The following COMMD1 variants were observed in gnomAD, a reference collection of about 807,000 sequenced individuals.
The protein encoded by COMMD1 is copper metabolism domain containing 1, also known as COMM domain-containing protein 1.
A neutral mutation model predicts 17.2 loss-of-function variants in COMMD1; 10 were observed. That is an observed-to-expected ratio of 0.58 (90% confidence interval 0.36 to 0.99). The LOEUF (loss-of-function observed/expected upper bound fraction) is 0.99. Among genes scored for constraint, COMMD1 ranks in the 50% least tolerant of loss-of-function variants. COMMD1 has a pLI of 0.01. For missense variants in COMMD1, 270 were observed against 231.8 expected (o/e 1.17, Z -1.07); for synonymous variants, 97 against 91.6 (o/e 1.06, Z -0.34).
chr2:61,947,683 A>G (rs1290491148), intron 1 of COMMD1, among the ~76,000 whole-genome samples: 1 of 151,884 alleles, frequency 6.6e-6, no homozygotes, highest in African/African-American at 2.4e-5. Context: ...ATTTGTCTCA[A>G]AAAACAACAA....
At chr2:61,981,935 T>A (rs1671964771) in intron 1 of COMMD1, among the ~76,000 whole-genome samples, 1 of 152,160 alleles carries the variant, frequency 6.6e-6, no homozygotes, top group African/African-American at 2.4e-5. Context: ...CCACCAGTTT[T>A]GTTCTTTTTG....
At chr2:62,054,839 A>G (rs1670644910) in intron 2 of COMMD1, among the ~76,000 whole-genome samples, 1 of 152,236 alleles carries the variant, frequency 6.6e-6, no homozygotes, top group Admixed American at 6.5e-5. Context: ...ACAAAATTGC[A>G]CATGTACTTC....
intron 1 of COMMD1, among the ~76,000 whole-genome samples, chr2:61,896,819 CTT>C (rs112184843): frequency 9.5e-5 from 13 of 137,154 alleles, no homozygotes; most frequent in Admixed American, 1.5e-4. Flanking sequence ...TTTTCCTTTT[CTT>C]TTTTTTTTTT....
At position 61,994,273 on chromosome 2, in the gene COMMD1, A is replaced by G. The variant is rs548360904; in HGVS notation, c.181-6428A>G. 4.6e-5 allele frequency among the ~76,000 whole-genome samples: 7 copies of G among 152,306 alleles called. No homozygotes were observed. In the East Asian group the frequency reaches 9.6e-4, roughly 21 times the overall value. On this transcript the variant is annotated intron_variant, in intron 1 of 2. Transcript: ENST00000311832. ...AAGTGCTGGATTACAGGTGTGAGCCACCACGCCCAGCCTGTATTTGTATTG... is the reference window on the plus strand; with the variant it reads ...AAGTGCTGGATTACAGGTGTGAGCCGCCACGCCCAGCCTGTATTTGTATTG...
chr2:61,958,901 G>A (rs890132138), intron 1 of COMMD1, among the ~76,000 whole-genome samples: 4 of 152,118 alleles, frequency 2.6e-5, no homozygotes, highest in Non-Finnish European at 4.4e-5. Context: ...CTTTTGTACA[G>A]TTTTTGCATC....
chr2:61,979,067 T>C (rs368727921), intron 1 of COMMD1, among the ~76,000 whole-genome samples: 3 of 147,776 alleles, frequency 2.0e-5, no homozygotes, highest in Admixed American at 6.7e-5. Context: ...TTATTCTTTC[T>C]ATATTTTTGT....
chr2:62,115,885 G>C (rs1398694335), intron 2 of COMMD1, among the ~76,000 whole-genome samples: 1 of 125,466 alleles, frequency 8.0e-6, no homozygotes, highest in East Asian at 2.3e-4. Flanking sequence ...TTTTGAGATA[G>C]GGTCTTGCTG....
intron 1 of COMMD1, among the ~76,000 whole-genome samples, chr2:61,971,247 G>A (rs1361997127): frequency 6.6e-6 from 1 of 152,198 alleles, no homozygotes; most frequent in East Asian, 1.9e-4. Context: ...TGAATAAAGG[G>A]GCGTGAGAGC....
intron 2 of COMMD1, among the ~76,000 whole-genome samples, chr2:62,104,220 C>T (rs2104027039): frequency 6.6e-6 from 1 of 152,314 alleles, no homozygotes. Context: ...AGGCTGGGCA[C>T]AGTGGCTTAC....
intron 1 of COMMD1, among the ~76,000 whole-genome samples, chr2:61,989,331 A>G (rs1190908679): frequency 6.6e-6 from 1 of 152,084 alleles, no homozygotes; most frequent in Non-Finnish European, 1.5e-5. Context: ...TGTAACTTCT[A>G]TGGGTTTTGA....
At chr2:61,997,118 G>T (rs1239178442) in intron 1 of COMMD1, among the ~76,000 whole-genome samples, 1 of 149,710 alleles carries the variant, frequency 6.7e-6, no homozygotes, top group African/African-American at 2.5e-5. Flanking sequence ...GGAGTGCAAT[G>T]GTGCCATCTT....
intron 1 of COMMD1, among the ~76,000 whole-genome samples, chr2:61,933,617 T>C (rs1032058836): frequency 1.3e-5 from 2 of 152,144 alleles, no homozygotes; most frequent in Admixed American, 6.6e-5. Flanking sequence ...TGCCATGATA[T>C]GACATAGTAG....
chr2:61,919,062 A>T (rs535076280), intron 1 of COMMD1, among the ~76,000 whole-genome samples: 28 of 151,432 alleles, frequency 1.8e-4, no homozygotes, highest in African/African-American at 6.8e-4. Context: ...CCCAGGCTGG[A>T]GTGCAATGGT....
intron 2 of COMMD1, among the ~76,000 whole-genome samples, chr2:62,129,106 G>A (rs1672960081): frequency 6.6e-6 from 1 of 152,158 alleles, no homozygotes; most frequent in Non-Finnish European, 1.5e-5. Flanking sequence ...GTTTGTATTT[G>A]GTGATTCTAT....
intron 1 of COMMD1, among the ~76,000 whole-genome samples, chr2:61,962,972 C>T (rs879564552): frequency 6.6e-6 from 1 of 151,966 alleles, no homozygotes; most frequent in Non-Finnish European, 1.5e-5. Flanking sequence ...ACCAGCCTGG[C>T]CAACATGGTG....
chr2:62,041,390 C>A (rs1670191489), intron 2 of COMMD1, among the ~76,000 whole-genome samples: 1 of 151,744 alleles, frequency 6.6e-6, no homozygotes, highest in South Asian at 2.1e-4. Flanking sequence ...GAAAAGTAAT[C>A]ATTGAGCTGT....
At chr2:61,904,506 A>C (rs1669725652), upstream of COMMD1, among the ~76,000 whole-genome samples, 1 of 152,116 alleles carries the variant, frequency 6.6e-6, no homozygotes, top group Non-Finnish European at 1.5e-5. Context: ...CCAATACCAC[A>C]CACCTGTATC....
intron 1 of COMMD1, among the ~76,000 whole-genome samples, chr2:61,927,992 T>A (rs539785498): frequency 3.5e-4 from 53 of 152,206 alleles, no homozygotes; most frequent in African/African-American, 1.3e-3. Context: ...TTCAAACTCC[T>A]GACCTCAGGT....
At chr2:62,086,250 C>A (rs893411488) in intron 2 of COMMD1, among the ~76,000 whole-genome samples, 6 of 151,998 alleles carry the variant, frequency 3.9e-5, no homozygotes, top group Admixed American at 3.9e-4. Flanking sequence ...TGGCTCAAGC[C>A]TGTAAACCCA....
Sources: gnomAD v4.1 joint callset for allele counts (sites outside exome capture counted in the v4.1 genomes callset) on GRCh38, gnomAD v4.1.1 for gene constraint, MANE v1.5 for transcripts, NCBI Gene and HGNC (gene_info 2026-07-23, HGNC 2026-07-21) for gene names.